The following PACRG variants were observed in gnomAD, a reference collection of about 807,000 sequenced individuals.
The protein encoded by PACRG is parkin coregulated gene protein.
PACRG carries 29 observed loss-of-function variants against 29.7 expected under a neutral mutation model. The ratio of observed to expected loss-of-function variants is 0.98; its 90% CI spans 0.73 to 1.33. The LOEUF is 1.33. PACRG is among the 40% of genes most tolerant of loss of function. PACRG has a pLI of 0.00. For synonymous variants in PACRG, 116 were observed against 118.7 expected (o/e 0.98, Z 0.15); for missense variants, 279 against 316.2 (o/e 0.88, Z 0.89).
chr6:162,735,197 T>C (rs1196612196), intron 1 of PACRG, among the ~76,000 whole-genome samples: 1 of 152,224 alleles, frequency 6.6e-6, no homozygotes, highest in Non-Finnish European at 1.5e-5. Flanking sequence ...ATAGCACTGC[T>C]AGGAAAATTT....
chr6:162,789,447 T>C (rs1324820497), intron 1 of PACRG, among the ~76,000 whole-genome samples: 1 of 152,160 alleles, frequency 6.6e-6, no homozygotes, highest in Non-Finnish European at 1.5e-5. Flanking sequence ...TATAGGGAAC[T>C]AACAACTCAT....
chr6:163,180,685 A>T (rs1779612749), intron 4 of PACRG, among the ~76,000 whole-genome samples: 1 of 152,174 alleles, frequency 6.6e-6, no homozygotes, highest in Non-Finnish European at 1.5e-5. Flanking sequence ...GGTTACAAAA[A>T]AAAAGCAGTT....
At chr6:162,743,703 T>G (rs1222286208) in intron 1 of PACRG, among the ~76,000 whole-genome samples, 1 of 152,200 alleles carries the variant, frequency 6.6e-6, no homozygotes, top group East Asian at 1.9e-4. Flanking sequence ...TTTAACAGTT[T>G]TATTGAGATG....
rs529292537 is a variant in PACRG, at chr6:162,833,679, A to G, written c.291+19398A>G. Among the ~76,000 whole-genome samples the G allele has an allele frequency of 1.8e-4, 28 of 151,952 alleles. No homozygotes were observed. The South Asian group carries it at 5.6e-3, about 31-fold the overall frequency. On this transcript the variant is annotated intron_variant, in intron 2 of 4. Coordinates refer to ENST00000366888, the MANE Select transcript of PACRG (RefSeq NM_001080379.2). ...GTCTTCTTTTGAGAATTGTTTGTTC[A>G]TGTCTTTTGCCCACTTTTTAATGGG...
Position 163,042,448 on chromosome 6 carries a change from G to A in PACRG, c.292-19702G>A, listed in dbSNP as rs73025161. 4.8e-3 allele frequency: 735 copies of A among 152,364 alleles called. 8 individuals carry two copies. Among genetic ancestry groups the A allele is most frequent in the South Asian group, 0.039 (189 of 4,822 alleles). The allele number at this position is 152,364 out of a possible 1,614,324, so 9.4% of individuals were successfully genotyped here. A position where few individuals can be genotyped will look rare whatever the true frequency, so the allele number is the denominator to read the frequency against. On this transcript the variant is annotated intron_variant, in intron 2 of 4. Transcript: ENST00000366888. ...CTGGAGAATGACCCTCTTATTCTCTGTGGATTTGAATTTTCTCTGTAGGCT... is the reference window on the plus strand; with the variant it reads ...CTGGAGAATGACCCTCTTATTCTCTATGGATTTGAATTTTCTCTGTAGGCT...
chr6:163,311,821 T>A (rs1356055476), intron 4 of PACRG, among the ~76,000 whole-genome samples: 2 of 152,130 alleles, frequency 1.3e-5, no homozygotes, highest in African/African-American at 4.8e-5. Flanking sequence ...AAATTTTTTT[T>A]AAAAGTAAGA....
At chr6:163,005,320 T>A (rs1007355734) in intron 2 of PACRG, among the ~76,000 whole-genome samples, 13 of 152,040 alleles carry the variant, frequency 8.6e-5, no homozygotes, top group Admixed American at 6.6e-5. Context: ...CAGATATTTA[T>A]TATTTTCTTT....
intron 4 of PACRG, among the ~76,000 whole-genome samples, chr6:163,204,822 A>G (rs1254912035): frequency 6.6e-6 from 1 of 152,354 alleles, no homozygotes; most frequent in Non-Finnish European, 1.5e-5. Context: ...ACAAAACCCC[A>G]TAGCCTCTGC....
At chr6:162,919,750 C>T (rs1479222797) in intron 2 of PACRG, among the ~76,000 whole-genome samples, 1 of 152,026 alleles carries the variant, frequency 6.6e-6, no homozygotes, top group Non-Finnish European at 1.5e-5. Context: ...AAAATGTAAC[C>T]TCATGTATAT....
At chr6:163,253,758 A>G (rs1053976430) in intron 4 of PACRG, among the ~76,000 whole-genome samples, 1 of 152,268 alleles carries the variant, frequency 6.6e-6, no homozygotes, top group African/African-American at 2.4e-5. Flanking sequence ...TTCCCTCACC[A>G]GGTGCCTCCT....
intron 3 of PACRG, among the ~76,000 whole-genome samples, chr6:163,080,438 G>A (rs1304955772): frequency 2.6e-5 from 4 of 151,998 alleles, no homozygotes; most frequent in South Asian, 4.1e-4. Flanking sequence ...GTGCTCATAC[G>A]TGTGTAAGCA....
intron 2 of PACRG, among the ~76,000 whole-genome samples, chr6:162,837,080 G>A (rs1450630138): frequency 6.6e-6 from 1 of 152,104 alleles, no homozygotes; most frequent in Non-Finnish European, 1.5e-5. Context: ...ATAATTGGAT[G>A]TAATAAGTAG....
intron 2 of PACRG, among the ~76,000 whole-genome samples, chr6:163,010,688 A>G (rs1228620509): frequency 6.6e-6 from 1 of 152,174 alleles, no homozygotes; most frequent in African/African-American, 2.4e-5. Flanking sequence ...AATAGCATCC[A>G]CCAGGATTCT....
chr6:162,891,647 G>A (rs1794766338), intron 2 of PACRG, among the ~76,000 whole-genome samples: 2 of 152,088 alleles, frequency 1.3e-5, no homozygotes, highest in African/African-American at 4.8e-5. Context: ...CTCTTAGGCT[G>A]TTGCCAATGG....
chr6:162,859,045 C>A (rs1366329473), intron 2 of PACRG, among the ~76,000 whole-genome samples: 1 of 152,146 alleles, frequency 6.6e-6, no homozygotes, highest in South Asian at 2.1e-4. Flanking sequence ...ATGTTCTGAA[C>A]CCCAAAAATA....
In PACRG at chr6:162,810,938, G is replaced by A. The variant is rs76538508; in HGVS notation, c.157-3209G>A. On this transcript the variant is annotated intron_variant, in intron 1 of 4. Transcript: ENST00000366888. ...AGACATGAACCTACAGATTCACAAA[G>A]TTGAACAAACTTCAAACAGGATAAA... Among the ~76,000 whole-genome samples, 22 of 152,232 alleles carry A rather than the reference G, an allele frequency of 1.4e-4. No homozygotes were observed. The East Asian group carries it at 3.9e-3, about 27-fold the overall frequency.
intron 1 of PACRG, among the ~76,000 whole-genome samples, chr6:162,747,803 G>A (rs1457027093): frequency 2.4e-4 from 36 of 151,892 alleles, no homozygotes; most frequent in Admixed American, 2.4e-3. Flanking sequence ...ATCCAGCCAA[G>A]AGTATTAGTA....
intron 1 of PACRG, among the ~76,000 whole-genome samples, chr6:162,746,480 G>T (rs898066489): frequency 6.6e-6 from 1 of 152,146 alleles, no homozygotes; most frequent in East Asian, 1.9e-4. Context: ...GGATGCCTCT[G>T]TTTATGGTTT....
chr6:163,312,732 T>C, intron 4 of PACRG: 1 of 413,970 alleles, frequency 2.4e-6, no homozygotes, highest in Non-Finnish European at 4.8e-6. Context: ...TTATCTCTTG[T>C]TTATCTGATA....
Sources: gnomAD v4.1 joint callset for allele counts (sites outside exome capture counted in the v4.1 genomes callset) on GRCh38, gnomAD v4.1.1 for gene constraint, MANE v1.5 for transcripts, NCBI Gene and HGNC (gene_info 2026-07-23, HGNC 2026-07-21) for gene names.